Variants in TMEM132D observed in about 807,000 individuals in gnomAD.
TMEM132D encodes the protein mature OL transmembrane protein.
TMEM132D carries 21 observed loss-of-function variants against 62.3 expected under a neutral mutation model. The observed-to-expected ratio is 0.34, with a 90% CI of 0.24 to 0.49. TMEM132D has a LOEUF of 0.49. Ranked by LOEUF, TMEM132D falls within the 20% of genes least tolerant of loss-of-function variation. TMEM132D has a pLI of 0.99. For missense variants in TMEM132D, 1,346 were observed against 1,402.8 expected, an observed-to-expected ratio of 0.96 and a Z score of 0.65; for synonymous variants, 621 against 575.6, an observed-to-expected ratio of 1.08 and a Z score of -1.13.
chr12:129,348,570 G>A (rs190631910), intron 3 of TMEM132D, among the ~76,000 whole-genome samples: 1 of 152,144 alleles, frequency 6.6e-6, no homozygotes, highest in African/African-American at 2.4e-5. Context: ...AGTGGGTAAG[G>A]GAAGGGAGAG....
intron 4 of TMEM132D, among the ~76,000 whole-genome samples, chr12:129,327,217 G>A (rs943691839): frequency 1.3e-5 from 2 of 152,074 alleles, no homozygotes; most frequent in Admixed American, 6.6e-5. Flanking sequence ...CCAGTGGGCG[G>A]GGCAGCCTGT....
chr12:129,429,445 C>G (rs552534636), intron 3 of TMEM132D, among the ~76,000 whole-genome samples: 107 of 152,164 alleles, frequency 7.0e-4, no homozygotes, highest in Non-Finnish European at 1.1e-3. Context: ...TCTAGAAAAA[C>G]CCCAAAGAAG....
chr12:129,479,267 T>C (rs1593029888), intron 3 of TMEM132D, among the ~76,000 whole-genome samples: 2 of 152,334 alleles, frequency 1.3e-5, no homozygotes, highest in South Asian at 2.1e-4. Context: ...AATGAGATTG[T>C]ACCATGTGAA....
At chr12:129,458,687 A>G (rs1873558946) in intron 3 of TMEM132D, among the ~76,000 whole-genome samples, 2 of 152,198 alleles carry the variant, frequency 1.3e-5, no homozygotes, top group African/African-American at 2.4e-5. Flanking sequence ...GCAGTGGGCT[A>G]AACAATGGAA....
chr12:129,345,444 A>G (rs748995918), intron 3 of TMEM132D, among the ~76,000 whole-genome samples: 1 of 152,214 alleles, frequency 6.6e-6, no homozygotes, highest in African/African-American at 2.4e-5. Context: ...CACTGGGACC[A>G]GTTTCAACGG....
At chr12:129,758,536 T>C (rs1033550857) in intron 1 of TMEM132D, among the ~76,000 whole-genome samples, 1 of 152,206 alleles carries the variant, frequency 6.6e-6, no homozygotes, top group Non-Finnish European at 1.5e-5. Flanking sequence ...TATTCTCCTA[T>C]TCCCAAGAGT....
At chr12:129,684,968 G>A (rs888803636) in intron 2 of TMEM132D, among the ~76,000 whole-genome samples, 2 of 152,166 alleles carry the variant, frequency 1.3e-5, no homozygotes, top group East Asian at 1.9e-4. Context: ...AAGCAGCAAC[G>A]TGTTCAAGAG....
In TMEM132D at chr12:129,074,223, T is replaced by C; in HGVS notation, c.2952A>G (p.Gln984=). 6.2e-7 allele frequency: 1 copy of C among 1,614,130 alleles called. No individual in the cohort carries two copies. ...LENHINFASS[Q]DEQITAIDRG... is the part of the protein sequence containing the mutation. Reference sequence around the variant, plus strand: ...TGTCAATGGCAGTGATTTGCTCATCTTGCGAGGAGGCAAAGTTGATGTGAT... The same window carrying C: ...TGTCAATGGCAGTGATTTGCTCATCCTGCGAGGAGGCAAAGTTGATGTGAT... Residue 984 remains glutamine (Q), a synonymous_variant, in exon 9 of 9, where the codon CAA becomes CAG. Coordinates refer to ENST00000422113, the MANE Select transcript of TMEM132D (RefSeq NM_133448.3).
rs528362893 is a variant in TMEM132D at position 129,712,401 on chromosome 12, G to T, written c.80-11703C>A. Among the ~76,000 whole-genome samples, 3 of 152,324 alleles carry T rather than the reference G, an allele frequency of 2.0e-5. No individual in the cohort carries two copies. The East Asian group carries it at 5.8e-4, about 29-fold the overall frequency. On this transcript the variant is annotated intron_variant, in intron 1 of 8. Transcript: ENST00000422113. ...AGCCTCCCAAAGTGCTGGGATTACC[G>T]GCGTGAGCCACTGCAACCGATCTTT...
intron 2 of TMEM132D, among the ~76,000 whole-genome samples, chr12:129,691,846 A>T (rs1021116445): frequency 1.3e-5 from 2 of 152,130 alleles, no homozygotes; most frequent in African/African-American, 4.8e-5. Flanking sequence ...CACAAATCTT[A>T]TAACTAGGAT....
At chr12:129,435,517 G>T (rs1872765303) in intron 3 of TMEM132D, among the ~76,000 whole-genome samples, 1 of 152,034 alleles carries the variant, frequency 6.6e-6, no homozygotes, top group Admixed American at 6.5e-5. Flanking sequence ...ACCATTCTGG[G>T]GTGAGACAAT....
chr12:129,325,493 A>G (rs1868877009), intron 4 of TMEM132D, among the ~76,000 whole-genome samples: 1 of 152,212 alleles, frequency 6.6e-6, no homozygotes, highest in Non-Finnish European at 1.5e-5. Flanking sequence ...GGTGGATCCA[A>G]AGGCTTGTTG....
At chr12:129,826,483 G>A (rs1030034390) in intron 1 of TMEM132D, among the ~76,000 whole-genome samples, 6 of 152,172 alleles carry the variant, frequency 3.9e-5, no homozygotes, top group Non-Finnish European at 5.9e-5. Flanking sequence ...TGTCTCTAGA[G>A]GTAAATGCAC....
At chr12:129,772,829 C>T (rs1210313176) in intron 1 of TMEM132D, among the ~76,000 whole-genome samples, 2 of 152,220 alleles carry the variant, frequency 1.3e-5, no homozygotes, top group African/African-American at 2.4e-5. Flanking sequence ...CCTGTGAGGG[C>T]GGAAGCTGCA....
At chr12:129,579,828 A>G (rs888112598) in intron 2 of TMEM132D, among the ~76,000 whole-genome samples, 12 of 152,188 alleles carry the variant, frequency 7.9e-5, no homozygotes, top group Admixed American at 7.2e-4. Context: ...ACATCATTCA[A>G]TTCAATCAAG....
intron 5 of TMEM132D, among the ~76,000 whole-genome samples, chr12:129,087,634 A>G (rs953967066): frequency 1.3e-5 from 2 of 152,130 alleles, no homozygotes; most frequent in African/African-American, 4.8e-5. Context: ...AACGCGAGGA[A>G]GCAGATTCCC....
intron 4 of TMEM132D, among the ~76,000 whole-genome samples, chr12:129,254,131 T>C (rs912246779): frequency 1.3e-5 from 2 of 152,108 alleles, no homozygotes; most frequent in Admixed American, 1.3e-4. Context: ...CAGGACTTTC[T>C]CCACATTCGG....
At chr12:129,780,642 G>A (rs1006285266) in intron 1 of TMEM132D, among the ~76,000 whole-genome samples, 7 of 152,108 alleles carry the variant, frequency 4.6e-5, no homozygotes, top group Non-Finnish European at 7.4e-5. Context: ...GGAAGGCGGG[G>A]CAAAGACACA....
chr12:129,715,781 A>G (rs775518876), intron 1 of TMEM132D, among the ~76,000 whole-genome samples: 1 of 152,238 alleles, frequency 6.6e-6, no homozygotes. Flanking sequence ...TTTTGTGAAT[A>G]TCATCTTTTA....
Sources: allele counts gnomAD v4.1 joint callset (sites outside exome capture counted in the v4.1 genomes callset), GRCh38; gene constraint gnomAD v4.1.1; transcripts MANE v1.5; gene names NCBI Gene and HGNC (gene_info 2026-07-23, HGNC 2026-07-21).